Variants in ASAP1 observed in about 807,000 individuals in gnomAD.
The protein encoded by ASAP1 is ArfGAP with SH3 domain, ankyrin repeat and PH domain 1.
ASAP1 carries 43 observed loss-of-function variants against 145.2 expected under a neutral mutation model. The ratio of observed to expected loss-of-function variants is 0.30; its 90% CI spans 0.23 to 0.38. The LOEUF is 0.38. Ranked by LOEUF, ASAP1 falls within the 10% of genes least tolerant of loss-of-function variation. The pLI, the probability that ASAP1 is intolerant of heterozygous loss-of-function variation, is 1.00. For synonymous variants in ASAP1, 546 were observed against 515.5 expected (o/e 1.06, Z -0.80); for missense variants, 1,018 against 1,355.3 (o/e 0.75, Z 3.91).
At chr8:130,119,926 T>C (rs1564982014) in intron 18 of ASAP1, among the ~76,000 whole-genome samples, 3 of 152,194 alleles carry the variant, frequency 2.0e-5, no homozygotes, top group Non-Finnish European at 2.9e-5. Context: ...ATAAACTTTC[T>C]TGCTCAAAAA....
intron 27 of ASAP1, among the ~76,000 whole-genome samples, chr8:130,066,203 A>C (rs2097430343): frequency 6.6e-6 from 1 of 152,178 alleles, no homozygotes; most frequent in Non-Finnish European, 1.5e-5. Flanking sequence ...AATGTTATTA[A>C]GGACAGGTGT....
At chr8:130,186,601 G>C (rs72722370) in intron 7 of ASAP1, among the ~76,000 whole-genome samples, 5,289 of 152,162 alleles carry the variant, frequency 0.035, 125 homozygotes, top group Middle Eastern at 0.065. Flanking sequence ...TCCCTAACAA[G>C]AACTCCACGA....
chr8:130,272,760 A>C (rs1820661417), intron 3 of ASAP1, among the ~76,000 whole-genome samples: 1 of 152,224 alleles, frequency 6.6e-6, no homozygotes, highest in South Asian at 2.1e-4. Context: ...AGAAAGAACA[A>C]TATCTTATGT....
chr8:130,102,739 G>A (rs908649744), intron 24 of ASAP1, among the ~76,000 whole-genome samples: 11 of 152,190 alleles, frequency 7.2e-5, no homozygotes, highest in Admixed American at 2.0e-4. Context: ...AGGCTGGAGT[G>A]CAGTGGTGTG....
chr8:130,411,569 A>G (rs1829266751), intron 1 of ASAP1, among the ~76,000 whole-genome samples: 1 of 152,140 alleles, frequency 6.6e-6, no homozygotes, highest in Admixed American at 6.5e-5. Flanking sequence ...GCATGCTCCA[A>G]TATTTTCTCA....
intron 3 of ASAP1, among the ~76,000 whole-genome samples, chr8:130,324,058 GCT>G (rs902600848): frequency 1.3e-5 from 2 of 152,146 alleles, no homozygotes; most frequent in Non-Finnish European, 2.9e-5. Context: ...TTCCCTGCCA[GCT>G]CTGTTAGAAA....
At chr8:130,056,492 G>A (rs2097404507) in intron 29 of ASAP1, among the ~76,000 whole-genome samples, 1 of 152,152 alleles carries the variant, frequency 6.6e-6, no homozygotes, top group African/African-American at 2.4e-5. Flanking sequence ...ACTAGTTGTT[G>A]GTAGCAACCC....
intron 1 of ASAP1, among the ~76,000 whole-genome samples, chr8:130,428,042 CT>C (rs1293552702): frequency 6.6e-6 from 1 of 152,166 alleles, no homozygotes; most frequent in East Asian, 1.9e-4. Context: ...AGTCTCTACA[CT>C]TGGCCACAAA....
intron 3 of ASAP1, among the ~76,000 whole-genome samples, chr8:130,243,309 T>G (rs906242587): frequency 2.6e-5 from 4 of 152,166 alleles, no homozygotes; most frequent in African/African-American, 9.7e-5. Flanking sequence ...TTTAAGTACC[T>G]GCGTCTCTCC....
At chr8:130,269,946 G>A (rs535727312) in intron 3 of ASAP1, among the ~76,000 whole-genome samples, 8 of 152,242 alleles carry the variant, frequency 5.3e-5, no homozygotes, top group African/African-American at 1.9e-4. Context: ...AAGGCAGTTA[G>A]ATCACCTGAG....
chr8:130,374,016 A>G (rs1424950212), intron 2 of ASAP1, among the ~76,000 whole-genome samples: 3 of 145,530 alleles, frequency 2.1e-5, no homozygotes, highest in Non-Finnish European at 4.5e-5. Context: ...AAGGCCTTGG[A>G]GAAAGTGTAA....
At chr8:130,117,770 C>T (rs529936041) in intron 20 of ASAP1, among the ~76,000 whole-genome samples, 1 of 152,314 alleles carries the variant, frequency 6.6e-6, no homozygotes, top group South Asian at 2.1e-4. Flanking sequence ...TTTAACCTCT[C>T]CTAACGGTTA....
intron 3 of ASAP1, chr8:130,340,865 T>C (rs768884239): frequency 1.2e-4 from 54 of 456,020 alleles, no homozygotes; most frequent in Non-Finnish European, 2.4e-4. Flanking sequence ...TGATGGCTCC[T>C]GCATGCTTCT....
chr8:130,112,451 C>T (rs553084453), intron 23 of ASAP1, 129 bp from the exon 24 acceptor site: 9 of 668,120 alleles, frequency 1.3e-5, no homozygotes, highest in Admixed American at 2.9e-5. Flanking sequence ...TGAGGTCAGC[C>T]ACAATGAGCC....
chr8:130,107,152 G>C (rs1448579751), intron 24 of ASAP1, among the ~76,000 whole-genome samples: 1 of 151,214 alleles, frequency 6.6e-6, no homozygotes, highest in African/African-American at 2.4e-5. Context: ...TGGGCCTTAT[G>C]AGGAAGAACT....
chr8:130,442,774 T>C (rs1057250940), intron 1 of ASAP1, among the ~76,000 whole-genome samples: 1 of 152,138 alleles, frequency 6.6e-6, no homozygotes, highest in Non-Finnish European at 1.5e-5. Context: ...CCTCTTGGGA[T>C]GTATCAAACC....
At position 130,116,838 on chromosome 8, in the gene ASAP1, A is replaced by G. The variant is rs754910590; in HGVS notation, c.1996+42T>C. 11 of 1,578,398 alleles carry G rather than the reference A, an allele frequency of 7.0e-6. No homozygotes were observed. In the East Asian group the frequency reaches 2.5e-4, roughly 35 times the overall value. ...ATCAAATTACAATGTACCATGCAAC[A>G]CACGCTTACTACAGTCATGAAGACA... On this transcript the variant is annotated intron_variant, in intron 21 of 29. Coordinates refer to ENST00000518721, the MANE Select transcript of ASAP1 (RefSeq NM_018482.4).
intron 2 of ASAP1, chr8:130,386,859 T>G (rs1489378810): frequency 6.6e-6 from 1 of 152,222 alleles, no homozygotes; most frequent in Non-Finnish European, 1.5e-5. Context: ...CACTTCAGCT[T>G]GGCAAGCATG....
intron 13 of ASAP1, among the ~76,000 whole-genome samples, chr8:130,151,452 A>T (rs2097646296): frequency 6.6e-6 from 1 of 151,324 alleles, no homozygotes; most frequent in Non-Finnish European, 1.5e-5. Flanking sequence ...AGCCTCAATC[A>T]TAATTACAAA....
Sources: allele counts gnomAD v4.1 joint callset (sites outside exome capture counted in the v4.1 genomes callset), GRCh38; gene constraint gnomAD v4.1.1; transcripts MANE v1.5; gene names NCBI Gene and HGNC (gene_info 2026-07-23, HGNC 2026-07-21).